The following CRYBG1 variants were observed in gnomAD, a reference collection of about 807,000 sequenced individuals.
CRYBG1 encodes the protein crystallin beta-gamma domain containing 1, also known as beta/gamma crystallin domain-containing protein 1.
CRYBG1 carries 139 observed loss-of-function variants against 189.2 expected under a neutral mutation model. The ratio of observed to expected loss-of-function variants is 0.73; its 90% CI spans 0.64 to 0.85. The LOEUF (loss-of-function observed/expected upper bound fraction) is 0.85. Ranked by LOEUF, CRYBG1 falls within the 40% of genes least tolerant of loss-of-function variation. CRYBG1 has a pLI of 0.00. For missense variants in CRYBG1, 2,611 were observed against 2,675.8 expected, an observed-to-expected ratio of 0.98 and a Z score of 0.53; for synonymous variants, 1,023 against 1,017.1, an observed-to-expected ratio of 1.01 and a Z score of -0.11.
At chr6:106,462,454 C>T (rs1452621346) in intron 2 of CRYBG1, among the ~76,000 whole-genome samples, 2 of 152,204 alleles carry the variant, frequency 1.3e-5, no homozygotes, top group African/African-American at 4.8e-5. Flanking sequence ...CCACCGCGCC[C>T]GGCCTTTTCT....
chr6:106,412,507 A>G (rs1231217611), intron 1 of CRYBG1, among the ~76,000 whole-genome samples: 1 of 152,224 alleles, frequency 6.6e-6, no homozygotes, highest in Non-Finnish European at 1.5e-5. Flanking sequence ...TTAAGGAAAA[A>G]CATATGTTAT....
intron 1 of CRYBG1, among the ~76,000 whole-genome samples, chr6:106,373,755 C>T (rs1301464771): frequency 6.6e-6 from 1 of 152,174 alleles, no homozygotes; most frequent in Non-Finnish European, 1.5e-5. Flanking sequence ...ATTTAGATTA[C>T]ATGTTGTTGG....
intron 1 of CRYBG1, among the ~76,000 whole-genome samples, chr6:106,370,604 C>G (rs1770004462): frequency 6.6e-6 from 1 of 152,146 alleles, no homozygotes; most frequent in African/African-American, 2.4e-5. Context: ...GATACTTTAT[C>G]CCACTTGAGG....
chr6:106,509,734 CT>C (rs1310909438), intron 2 of CRYBG1, among the ~76,000 whole-genome samples: 1 of 152,100 alleles, frequency 6.6e-6, no homozygotes, highest in African/African-American at 2.4e-5. Context: ...AAAGGGGCCC[CT>C]GTGGCTGAAT....
At chr6:106,470,429 C>T (rs1456352872) in intron 2 of CRYBG1, among the ~76,000 whole-genome samples, 7 of 151,984 alleles carry the variant, frequency 4.6e-5, no homozygotes, top group South Asian at 2.1e-4. Context: ...AAAAATTAGC[C>T]GGGCGTGATG....
intron 2 of CRYBG1, among the ~76,000 whole-genome samples, chr6:106,479,368 T>C (rs2114477348): frequency 6.6e-6 from 1 of 152,188 alleles, no homozygotes; most frequent in East Asian, 1.9e-4. Context: ...CCTAATTACC[T>C]CCCAAAGGCC....
intron 10 of CRYBG1, among the ~76,000 whole-genome samples, chr6:106,541,899 A>AG (rs1184843775): frequency 7.2e-5 from 11 of 152,158 alleles, no homozygotes; most frequent in African/African-American, 2.7e-4. Context: ...TGAGTTAACA[A>AG]TTTGCAGTTG....
At chr6:106,399,809 G>T (rs141587810) in intron 1 of CRYBG1, among the ~76,000 whole-genome samples, 1 of 151,232 alleles carries the variant, frequency 6.6e-6, no homozygotes. Context: ...GGCATGCACC[G>T]CCATGCCCAG....
chr6:106,428,388 CT>C (rs1194738223), intron 1 of CRYBG1, among the ~76,000 whole-genome samples: 5 of 150,634 alleles, frequency 3.3e-5, no homozygotes, highest in African/African-American at 4.9e-5. Context: ...TTTTACTTTT[CT>C]TTTTTTTTAA....
At chr6:106,432,288 A>C (rs896337427) in intron 1 of CRYBG1, among the ~76,000 whole-genome samples, 1 of 152,216 alleles carries the variant, frequency 6.6e-6, no homozygotes, top group African/African-American at 2.4e-5. Flanking sequence ...CAATGGAAGG[A>C]GGTCCATCAA....
chr6:106,452,437 AAG>A (rs1406454325), intron 2 of CRYBG1, among the ~76,000 whole-genome samples: 2 of 149,242 alleles, frequency 1.3e-5, no homozygotes, highest in Admixed American at 6.6e-5. Flanking sequence ...AAAAAAAAAA[AAG>A]AATGAGCTTA....
At chr6:106,412,722 GA>G (rs1219980124) in intron 1 of CRYBG1, among the ~76,000 whole-genome samples, 1 of 152,138 alleles carries the variant, frequency 6.6e-6, no homozygotes, top group Admixed American at 6.5e-5. Context: ...TTAAAACAAA[GA>G]AAATAAGACA....
At chr6:106,483,401 T>TATACATATATATATATATA in intron 2 of CRYBG1, among the ~76,000 whole-genome samples, 1 of 95,598 alleles carries the variant, frequency 1.0e-5, no homozygotes, top group Non-Finnish European at 2.5e-5. Context: ...GATATATATA[T>TATACATATATATATATATA]AAAACATTTT....
chr6:106,562,603 C>T (rs1409290214), intron 20 of CRYBG1, among the ~76,000 whole-genome samples: 1 of 152,170 alleles, frequency 6.6e-6, no homozygotes, highest in Non-Finnish European at 1.5e-5. Context: ...TCTCCTGCCT[C>T]AGCCTCTCGA....
chr6:106,542,608 CATTTTATTTTATTTT>C (rs56795208), intron 10 of CRYBG1, among the ~76,000 whole-genome samples: 23,835 of 126,522 alleles, frequency 0.19, 2,612 homozygotes, highest in East Asian at 0.41. Flanking sequence ...ATGATTAGAA[CATTTTATTTTATTTT>C]ATTTTATTTT....
chr6:106,563,836 G>A lies in CRYBG1; in HGVS notation c.6211G>A (p.Asp2071Asn). Reference sequence around the variant, plus strand: ...TGGCTCCAAGCTAGGCCTGGCCCTGGACCAGAATGCTGACAGCCAGTTCTG... The same window carrying A: ...TGGCTCCAAGCTAGGCCTGGCCCTGAACCAGAATGCTGACAGCCAGTTCTG... Reference protein sequence around the residue: ...TSGSKLGLALDQNADSQFWSL... With the variant: ...TSGSKLGLALNQNADSQFWSL... Residue 2071 changes from aspartate to asparagine, a missense_variant, in exon 21 of 22, where the codon GAC becomes AAC. By Grantham distance (23) the Asp-to-Asn change is conservative (BLOSUM62 1). Transcript: ENST00000633556. 1 of 1,613,908 alleles carries A rather than the reference G, an allele frequency of 6.2e-7. No individual in the cohort carries two copies. The highest frequency in any genetic ancestry group is 8.5e-7 in the Non-Finnish European group (1 of 1,179,788).
At chr6:106,517,317 C>CT (rs1773447150) in intron 3 of CRYBG1, among the ~76,000 whole-genome samples, 1 of 139,554 alleles carries the variant, frequency 7.2e-6, no homozygotes, top group African/African-American at 2.8e-5. Context: ...CACACACACA[C>CT]ATATATATAT....
At chr6:106,565,729 C>T (rs904146442) in intron 21 of CRYBG1, among the ~76,000 whole-genome samples, 2 of 152,164 alleles carry the variant, frequency 1.3e-5, no homozygotes, top group Non-Finnish European at 2.9e-5. Flanking sequence ...AGTACAGCTC[C>T]CTCACCTTAC....
At chr6:106,432,390 C>T (rs1284286744) in intron 1 of CRYBG1, among the ~76,000 whole-genome samples, 3 of 152,206 alleles carry the variant, frequency 2.0e-5, no homozygotes, top group African/African-American at 7.2e-5. Flanking sequence ...ACCTGCTCTT[C>T]ACTCCCTTTC....
Sources: allele counts gnomAD v4.1 joint callset (sites outside exome capture counted in the v4.1 genomes callset), GRCh38; gene constraint gnomAD v4.1.1; transcripts MANE v1.5; gene names NCBI Gene and HGNC (gene_info 2026-07-23, HGNC 2026-07-21).